FHIT: variants seen among roughly 807,000 people sequenced by gnomAD.
FHIT encodes bis(5'-adenosyl)-triphosphatase.
Under a neutral mutation model 17.9 loss-of-function variants are expected in FHIT, and 19 were observed. The ratio of observed to expected loss-of-function variants is 1.06; its 90% confidence interval spans 0.74 to 1.56. The LOEUF (loss-of-function observed/expected upper bound fraction) is 1.56. Ranked by LOEUF, FHIT falls within the 40% of genes most tolerant of loss-of-function variation. FHIT has a pLI of 0.00. For missense variants in FHIT, 248 were observed against 189.2 expected (o/e 1.31, Z -1.82); for synonymous variants, 81 against 69.7 (o/e 1.16, Z -0.81).
At chr3:60,730,292 C>T in intron 4 of FHIT, 1 of 263,610 alleles carries the variant, frequency 3.8e-6, no homozygotes, top group South Asian at 5.4e-5. Flanking sequence ...GCTTCTGTTT[C>T]CATGTCTTCT....
intron 5 of FHIT, among the ~76,000 whole-genome samples, chr3:60,211,439 T>C (rs990886219): frequency 1.7e-4 from 26 of 152,250 alleles, no homozygotes; most frequent in African/African-American, 5.3e-4. Context: ...AAATCATAAA[T>C]ATTCTACATA....
intron 7 of FHIT, among the ~76,000 whole-genome samples, chr3:59,974,039 C>T (rs1300859662): frequency 3.3e-5 from 5 of 151,586 alleles, no homozygotes; most frequent in Non-Finnish European, 7.4e-5. Flanking sequence ...GAATATGGTT[C>T]TCTTGGGCAA....
chr3:60,701,496 A>G (rs1009361191), intron 4 of FHIT, among the ~76,000 whole-genome samples: 4 of 152,036 alleles, frequency 2.6e-5, no homozygotes, highest in Non-Finnish European at 4.4e-5. Flanking sequence ...GGGAGTGCTG[A>G]TTGGTTGGGT....
chr3:60,605,545 A>G (rs75240439), intron 4 of FHIT, among the ~76,000 whole-genome samples: 3,772 of 152,284 alleles, frequency 0.025, 76 homozygotes, highest in Middle Eastern at 0.058. Context: ...TTATATTTCA[A>G]TGTATTCATT....
chr3:59,788,730 T>G (rs886346451), intron 8 of FHIT, among the ~76,000 whole-genome samples: 8 of 152,060 alleles, frequency 5.3e-5, no homozygotes, highest in Admixed American at 5.2e-4. Context: ...GTAGAAGAAT[T>G]TGCACATTAA....
intron 2 of FHIT, among the ~76,000 whole-genome samples, chr3:61,105,314 C>A (rs776006748): frequency 1.6e-4 from 25 of 151,880 alleles, no homozygotes; most frequent in Non-Finnish European, 2.2e-4. Context: ...CCACTGGCTT[C>A]GTTTCTGGAA....
At chr3:60,204,065 A>C (rs1703042625) in intron 5 of FHIT, among the ~76,000 whole-genome samples, 1 of 152,172 alleles carries the variant, frequency 6.6e-6, no homozygotes, top group South Asian at 2.1e-4. Flanking sequence ...TGTACATTTT[A>C]AAATAAAAGA....
intron 4 of FHIT, among the ~76,000 whole-genome samples, chr3:60,600,907 A>C (rs2038423234): frequency 6.6e-6 from 1 of 152,186 alleles, no homozygotes; most frequent in Non-Finnish European, 1.5e-5. Flanking sequence ...CGGATGCAAC[A>C]GCCCTGCACC....
At chr3:59,992,420 A>C (rs2107475817) in intron 7 of FHIT, among the ~76,000 whole-genome samples, 1 of 152,184 alleles carries the variant, frequency 6.6e-6, no homozygotes, top group South Asian at 2.1e-4. Context: ...AGGATATTTC[A>C]ATTGGACCGA....
At chr3:59,822,004 G>A (rs927873000) in intron 8 of FHIT, among the ~76,000 whole-genome samples, 1 of 151,982 alleles carries the variant, frequency 6.6e-6, no homozygotes, top group Non-Finnish European at 1.5e-5. Flanking sequence ...TTATGCCTTT[G>A]CATCCTCATA....
chr3:59,922,903 G>T (rs1425921005), intron 7 of FHIT, among the ~76,000 whole-genome samples: 1 of 152,104 alleles, frequency 6.6e-6, no homozygotes, highest in Non-Finnish European at 1.5e-5. Flanking sequence ...CATTTAGTAA[G>T]CATTTATTTC....
At chr3:59,879,683 AAC>A (rs1260244528) in intron 8 of FHIT, among the ~76,000 whole-genome samples, 7 of 152,220 alleles carry the variant, frequency 4.6e-5, no homozygotes, top group African/African-American at 1.7e-4. Context: ...TAAAGTTAAT[AAC>A]ACAGTCTGGA....
At chr3:60,533,661 G>T (rs895711703) in intron 5 of FHIT, among the ~76,000 whole-genome samples, 2 of 152,174 alleles carry the variant, frequency 1.3e-5, no homozygotes, top group Non-Finnish European at 2.9e-5. Flanking sequence ...GAAATGAAAA[G>T]CATGGGGAGG....
intron 4 of FHIT, among the ~76,000 whole-genome samples, chr3:60,668,561 T>A (rs2040435925): frequency 1.5e-5 from 2 of 133,380 alleles, no homozygotes; most frequent in Admixed American, 1.5e-4. Flanking sequence ...ATTCTTTTTT[T>A]TTTTTTTTTT....
chr3:60,611,887 G>C (rs1181244289), intron 4 of FHIT, among the ~76,000 whole-genome samples: 1 of 152,164 alleles, frequency 6.6e-6, no homozygotes, highest in Non-Finnish European at 1.5e-5. Flanking sequence ...GTACAGAGCA[G>C]CTGGGAGGAC....
chr3:60,336,354 T>C (rs1576495379), intron 5 of FHIT, among the ~76,000 whole-genome samples: 1 of 152,214 alleles, frequency 6.6e-6, no homozygotes, highest in Admixed American at 6.5e-5. Flanking sequence ...TGGCTCTTCT[T>C]TAGTTACAAA....
At chr3:61,051,274 T>TG (rs2034015750) in intron 2 of FHIT, among the ~76,000 whole-genome samples, 1 of 152,002 alleles carries the variant, frequency 6.6e-6, no homozygotes, top group South Asian at 2.1e-4. Context: ...TTTGTTTGTT[T>TG]GTTTGTTTGT....
chr3:60,502,610 A>G (rs2034567627), intron 5 of FHIT, among the ~76,000 whole-genome samples: 1 of 152,190 alleles, frequency 6.6e-6, no homozygotes, highest in African/African-American at 2.4e-5. Context: ...ATCTTGTTTA[A>G]TCATTTGATA....
chr3:60,212,534 A>G (rs967848922), intron 5 of FHIT, among the ~76,000 whole-genome samples: 6 of 152,210 alleles, frequency 3.9e-5, no homozygotes, highest in Non-Finnish European at 7.3e-5. Flanking sequence ...ATTTTCTCCA[A>G]AACACATATC....
Sources: allele counts gnomAD v4.1 joint callset (sites outside exome capture counted in the v4.1 genomes callset), GRCh38; gene constraint gnomAD v4.1.1; transcripts MANE v1.5; gene names NCBI Gene and HGNC (gene_info 2026-07-23, HGNC 2026-07-21).